The following OR51B5 variants were observed in gnomAD, a reference collection of about 807,000 sequenced individuals.
The protein encoded by OR51B5 is olfactory receptor 51B5.
For missense variants in OR51B5, 456 were observed against 374.6 expected (o/e 1.22, Z -1.79); for synonymous variants, 186 against 144.8 (o/e 1.28, Z -2.04).
At chr11:5,467,083 C>T (rs188443345) in intron 1 of OR51B5, among the ~76,000 whole-genome samples, 2 of 152,150 alleles carry the variant, frequency 1.3e-5, no homozygotes, top group African/African-American at 4.8e-5. Flanking sequence ...TGAGGACCAC[C>T]ACAGCACTTC....
chr11:5,480,615 A>G (rs1851403325), intron 1 of OR51B5, among the ~76,000 whole-genome samples: 1 of 152,096 alleles, frequency 6.6e-6, no homozygotes, highest in Non-Finnish European at 1.5e-5. Context: ...CGCTAGCAAG[A>G]CTAATAAAGA....
chr11:5,464,344 T>C (rs1851101047), intron 1 of OR51B5, among the ~76,000 whole-genome samples: 1 of 152,202 alleles, frequency 6.6e-6, no homozygotes. Context: ...TTGTGCAGGT[T>C]AGTTACATAT....
At chr11:5,465,754 T>C (rs964415277) in intron 1 of OR51B5, among the ~76,000 whole-genome samples, 1 of 144,370 alleles carries the variant, frequency 6.9e-6, no homozygotes, top group East Asian at 2.1e-4. Context: ...TGGCTAGCCA[T>C]ATGTAGAAAG....
chr11:5,388,092 GAAT>G (rs952662122), intron 1 of OR51B5, among the ~76,000 whole-genome samples: 9 of 151,840 alleles, frequency 5.9e-5, no homozygotes, highest in Middle Eastern at 3.2e-3. Context: ...ATCAATTAAT[GAAT>G]AATTATTGAA....
intron 1 of OR51B5, among the ~76,000 whole-genome samples, chr11:5,364,160 C>G (rs1450464555): frequency 6.6e-6 from 1 of 152,140 alleles, no homozygotes; most frequent in Non-Finnish European, 1.5e-5. Context: ...CAGGGTTCAA[C>G]AAGCGACCAC....
chr11:5,352,441 G>A, intron 1 of OR51B5: 1 of 1,574,692 alleles, frequency 6.4e-7, no homozygotes, highest in Non-Finnish European at 8.7e-7. Flanking sequence ...TCACTCTAGA[G>A]CATGACATTG....
rs1017674249 is a variant in OR51B5, at chr11:5,356,108, G to A, written n.85-9198C>T. On this transcript the variant is annotated intron_variant and non_coding_transcript_variant, in intron 1 of 4. Transcript: ENST00000415970. ...AGGAATGCAGCTCCTCACCAGCAAC[G>A]GTACAAAGCTGGACAGAGAATGACT... Among the ~76,000 whole-genome samples the A allele has an allele frequency of 1.6e-4, 24 of 152,204 alleles. 3 individuals are homozygous for A. Among genetic ancestry groups the A allele is most frequent in the Admixed American group, 8.5e-4 (13 of 15,296 alleles).
chr11:5,345,270 A>G (rs1848973662), upstream of OR51B5, among the ~76,000 whole-genome samples: 1 of 152,164 alleles, frequency 6.6e-6, no homozygotes, highest in Admixed American at 6.5e-5. Context: ...AAGAAGACTA[A>G]GCAAGAGACA....
At chr11:5,381,399 G>C (rs1175025758) in intron 1 of OR51B5, among the ~76,000 whole-genome samples, 1 of 152,158 alleles carries the variant, frequency 6.6e-6, no homozygotes, top group Non-Finnish European at 1.5e-5. Context: ...ATATTCGCAT[G>C]ATTACCCACA....
intron 1 of OR51B5, chr11:5,440,945 T>A (rs1850676422): frequency 5.0e-6 from 8 of 1,613,826 alleles, no homozygotes; most frequent in Admixed American, 1.7e-5. Flanking sequence ...TGTCTCCACA[T>A]GCTACTTTCA....
At position 5,422,777 on chromosome 11, in the gene OR51B5, G is replaced by A. The variant is rs144018506; in HGVS notation, n.85-75867C>T. ...GGATATGATCCGCCTGGTCTGTGCT[G>A]ACATCAGGCTCAACAGCTGGTATGG... On this transcript the variant is annotated intron_variant and non_coding_transcript_variant, in intron 1 of 4. Coordinates refer to the OR51B5 transcript ENST00000415970. 6.8e-5 allele frequency: 110 copies of A among 1,613,994 alleles called. No individual in the cohort carries two copies. The highest frequency in any genetic ancestry group is 8.3e-5 in the Admixed American group (5 of 60,004).
chr11:5,343,589 T>C (rs1848941894), upstream of OR51B5: 1 of 618,110 alleles, frequency 1.6e-6, no homozygotes, highest in Admixed American at 3.1e-5. Flanking sequence ...AGTTCTACCT[T>C]CAAGGTATCA....
intron 1 of OR51B5, among the ~76,000 whole-genome samples, chr11:5,443,157 A>G (rs1850715786): frequency 1.3e-5 from 2 of 152,158 alleles, no homozygotes; most frequent in African/African-American, 4.8e-5. Context: ...TGATATCTCA[A>G]AATTAAACCT....
intron 1 of OR51B5, chr11:5,488,629 T>C: frequency 9.0e-7 from 1 of 1,106,948 alleles, no homozygotes; most frequent in South Asian, 1.5e-5. Flanking sequence ...TTGTTTTACA[T>C]AAATCAACCA....
At chr11:5,341,276 G>A (rs1384091283), downstream of OR51B5, 3 of 152,030 alleles carry the variant, frequency 2.0e-5, no homozygotes, top group African/African-American at 4.8e-5. Flanking sequence ...GAAGGCAAGA[G>A]GGTCAGTATT....
intron 1 of OR51B5, among the ~76,000 whole-genome samples, chr11:5,378,063 C>G (rs1428298745): frequency 6.6e-6 from 1 of 152,068 alleles, no homozygotes; most frequent in Non-Finnish European, 1.5e-5. Flanking sequence ...TCAAACTATA[C>G]TACAAGGCTA....
chr11:5,343,076 C>A (rs1848925423), exon 1 of OR51B5: 7 of 1,612,968 alleles, frequency 4.3e-6, no homozygotes, highest in Non-Finnish European at 5.9e-6. Context: ...GGATACAAAT[C>A]CCCTCATCAG....
chr11:5,373,669 G>T (rs183314233), intron 1 of OR51B5, among the ~76,000 whole-genome samples: 1 of 152,322 alleles, frequency 6.6e-6, no homozygotes, highest in East Asian at 1.9e-4. Flanking sequence ...GGCGCACCAG[G>T]AGATTATATC....
intron 1 of OR51B5, among the ~76,000 whole-genome samples, chr11:5,443,939 A>G (rs1461088855): frequency 6.6e-6 from 1 of 152,086 alleles, no homozygotes; most frequent in Non-Finnish European, 1.5e-5. Flanking sequence ...CACACCCGGT[A>G]TTTATAGGCA....
Sources: allele counts gnomAD v4.1 joint callset (sites outside exome capture counted in the v4.1 genomes callset), GRCh38; gene constraint gnomAD v4.1.1; transcripts MANE v1.5; gene names NCBI Gene and HGNC (gene_info 2026-07-23, HGNC 2026-07-21).